NCK1: variants seen among roughly 807,000 people sequenced by gnomAD.
NCK1 encodes SH2/SH3 adapter protein NCK1.
In NCK1, 19 loss-of-function variants were observed where a neutral mutation model predicts 36.6. The observed-to-expected ratio is 0.52, with a 90% CI of 0.36 to 0.76. The LOEUF (loss-of-function observed/expected upper bound fraction) is 0.76. Ranked by LOEUF, NCK1 falls within the 30% of genes least tolerant of loss-of-function variation. The pLI, the probability that NCK1 is intolerant of heterozygous loss-of-function variation, is 0.00. For missense variants in NCK1, 358 were observed against 445.6 expected, an observed-to-expected ratio of 0.80 and a Z score of 1.77; for synonymous variants, 165 against 156.0, an observed-to-expected ratio of 1.06 and a Z score of -0.43.
chr3:136,881,576 G>A (rs927993286), intron 1 of NCK1, among the ~76,000 whole-genome samples: 1 of 152,232 alleles, frequency 6.6e-6, no homozygotes, highest in Middle Eastern at 3.4e-3. Flanking sequence ...ACCATTTTAA[G>A]TATACAGTTC....
rs1940929387 is a variant in NCK1, at chr3:136,949,894, T to G, written c.*1441T>G. ...TTAAATCTTAAAATCATTTAAAGAC[T>G]TATGTTGCCACTGGGTGGCAGCCAT... On this transcript the variant is annotated 3_prime_UTR_variant, in exon 4 of 4. Transcript: ENST00000481752. 6.6e-6 allele frequency: 1 copy of G among 152,082 alleles called. No individual in the cohort carries two copies. The highest frequency in any genetic ancestry group is 1.5e-5 in the Non-Finnish European group (1 of 67,930). The allele number at this position is 152,082 out of a possible 1,614,324, so 9.4% of individuals were successfully genotyped here. A position where few individuals can be genotyped will look rare whatever the true frequency, so the allele number is the denominator to read the frequency against.
intron 1 of NCK1, among the ~76,000 whole-genome samples, chr3:136,913,132 A>AT (rs970538094): frequency 5.4e-5 from 8 of 146,870 alleles, no homozygotes; most frequent in African/African-American, 1.5e-4. Context: ...CTGTTGGTTT[A>AT]TTTTTTTTTC....
At chr3:136,937,245 G>A (rs1940554892) in intron 2 of NCK1, among the ~76,000 whole-genome samples, 1 of 152,016 alleles carries the variant, frequency 6.6e-6, no homozygotes. Context: ...AGTGATCTTG[G>A]CACCATTGAT....
intron 1 of NCK1, among the ~76,000 whole-genome samples, chr3:136,916,233 C>T (rs558754888): frequency 6.6e-6 from 1 of 152,204 alleles, no homozygotes; most frequent in African/African-American, 2.4e-5. Context: ...GTCCTAAAAC[C>T]ATTTTGTGAT....
chr3:136,895,555 T>C (rs774075870), intron 1 of NCK1, among the ~76,000 whole-genome samples: 1 of 152,102 alleles, frequency 6.6e-6, no homozygotes, highest in Non-Finnish European at 1.5e-5. Context: ...TATGTTGTTT[T>C]TATTTTATTT....
intron 1 of NCK1, among the ~76,000 whole-genome samples, chr3:136,908,449 G>A (rs1939743122): frequency 1.3e-5 from 2 of 152,192 alleles, no homozygotes; most frequent in South Asian, 4.1e-4. Context: ...TGCAAAGTGA[G>A]GGTGAGGCCA....
In NCK1 at chr3:136,950,455, T is replaced by G. The variant is rs1335858902; in HGVS notation, c.*2002T>G. Among the ~76,000 whole-genome samples the G allele has an allele frequency of 3.9e-5, 6 of 152,148 alleles. No homozygotes were observed. Among genetic ancestry groups the G allele is most frequent in the African/African-American group, 1.4e-4 (6 of 41,456 alleles). On this transcript the variant is annotated 3_prime_UTR_variant, in exon 4 of 4. Transcript: ENST00000481752. ...CTATAGCGCTCCCAGATAACCCATG[T>G]GTGCTAGTAATATCTATTGTGTGCT... is the stretch of plus-strand genomic sequence containing the variant.
intron 2 of NCK1, among the ~76,000 whole-genome samples, chr3:136,937,719 C>G (rs1213898571): frequency 6.6e-6 from 1 of 151,990 alleles, no homozygotes; most frequent in Admixed American, 6.6e-5. Flanking sequence ...GGATTATTTT[C>G]TTAATTTTGT....
chr3:136,880,293 A>G (rs1938894533), intron 1 of NCK1, among the ~76,000 whole-genome samples: 1 of 152,028 alleles, frequency 6.6e-6, no homozygotes, highest in African/African-American at 2.4e-5. Flanking sequence ...TCAAAAAAAA[A>G]AAAAGAATGT....
At chr3:136,876,314 T>G (rs1938769735) in intron 1 of NCK1, among the ~76,000 whole-genome samples, 1 of 151,950 alleles carries the variant, frequency 6.6e-6, no homozygotes, top group Middle Eastern at 3.4e-3. Context: ...AGAGCAGAAC[T>G]GAAAGAAATA....
At chr3:136,882,238 G>A (rs1938961733) in intron 1 of NCK1, among the ~76,000 whole-genome samples, 1 of 152,054 alleles carries the variant, frequency 6.6e-6, no homozygotes, top group Non-Finnish European at 1.5e-5. Flanking sequence ...TGATATCTCT[G>A]TGGTTTTGAT....
chr3:136,933,262 T>C (rs567433130), intron 2 of NCK1, among the ~76,000 whole-genome samples: 2 of 152,306 alleles, frequency 1.3e-5, no homozygotes, highest in East Asian at 3.9e-4. Flanking sequence ...ATGATGTAAT[T>C]AATCCACTTT....
chr3:136,904,678 T>G (rs980044787), intron 1 of NCK1, among the ~76,000 whole-genome samples: 8 of 152,212 alleles, frequency 5.3e-5, no homozygotes, highest in Non-Finnish European at 1.0e-4. Flanking sequence ...ACTTGGTGTA[T>G]CTGATGTGTA....
chr3:136,875,505 A>G (rs9883131), intron 1 of NCK1, among the ~76,000 whole-genome samples: 103,672 of 151,974 alleles, frequency 0.68, 35,657 homozygotes, highest in East Asian at 0.87. Flanking sequence ...TTGCAATCCT[A>G]GTCTCTGATA....
At position 136,944,510 on chromosome 3, in the gene NCK1, G is replaced by A. The variant is rs1576993614; in HGVS notation, c.227-1073G>A. Among the ~76,000 whole-genome samples the A allele has an allele frequency of 2.6e-5, 4 of 152,250 alleles. No homozygotes were observed. The South Asian group carries it at 6.2e-4, about 24-fold the overall frequency. On this transcript the variant is annotated intron_variant, in intron 2 of 3. Coordinates refer to ENST00000481752, the MANE Select transcript of NCK1 (RefSeq NM_001291999.2). ...AATAAATAAATTACCAAAATGTTAC[G>A]GTTTAAAAGTTGTAGCAGAGTTAAA...
intron 1 of NCK1, among the ~76,000 whole-genome samples, chr3:136,892,428 C>T (rs1227439686): frequency 1.3e-5 from 2 of 152,166 alleles, no homozygotes; most frequent in African/African-American, 4.8e-5. Flanking sequence ...TCTGAGTGGG[C>T]TCTGGTAATC....
At chr3:136,932,957 A>G (rs1434686761) in intron 2 of NCK1, among the ~76,000 whole-genome samples, 1 of 152,262 alleles carries the variant, frequency 6.6e-6, no homozygotes, top group Non-Finnish European at 1.5e-5. Flanking sequence ...TGAAATCACT[A>G]ATAAGTACAC....
At chr3:136,915,528 C>G (rs887153824) in intron 1 of NCK1, among the ~76,000 whole-genome samples, 1 of 151,856 alleles carries the variant, frequency 6.6e-6, no homozygotes, top group Non-Finnish European at 1.5e-5. Context: ...TTGCATAGGC[C>G]AAAATGATAA....
intron 1 of NCK1, among the ~76,000 whole-genome samples, chr3:136,925,002 G>C (rs1940202602): frequency 6.6e-6 from 1 of 152,080 alleles, no homozygotes; most frequent in Admixed American, 6.6e-5. Flanking sequence ...AAAAATTAGG[G>C]GGATAGCTGA....
Sources: allele counts gnomAD v4.1 joint callset (sites outside exome capture counted in the v4.1 genomes callset), GRCh38; gene constraint gnomAD v4.1.1; transcripts MANE v1.5; gene names NCBI Gene and HGNC (gene_info 2026-07-23, HGNC 2026-07-21).